SPECC1: variants seen among roughly 807,000 people sequenced by gnomAD.
The protein encoded by SPECC1 is sperm antigen with calponin homology and coiled-coil domains 1.
Under a neutral mutation model 104.1 loss-of-function variants are expected in SPECC1, and 62 were observed. The ratio of observed to expected loss-of-function variants is 0.60; its 90% confidence interval spans 0.49 to 0.74. The LOEUF is 0.74. SPECC1 is among the 30% of genes least tolerant of loss of function. SPECC1 has a pLI of 0.00. For missense variants in SPECC1, 1,306 were observed against 1,310.5 expected (o/e 1.00, Z 0.05); for synonymous variants, 513 against 501.6 (o/e 1.02, Z -0.30).
chr17:20,107,144 C>CAAAAAAAAAAA (rs531912350), intron 2 of SPECC1, among the ~76,000 whole-genome samples: 2 of 68,188 alleles, frequency 2.9e-5, no homozygotes, highest in African/African-American at 8.3e-5. Flanking sequence ...ACTCGTGTCT[C>CAAAAAAAAAAA]AAAAAAAAAA....
chr17:20,156,223 G>T, intron 3 of SPECC1: 1 of 1,412,932 alleles, frequency 7.1e-7, no homozygotes, highest in African/African-American at 1.5e-5. Context: ...GACGGCCCGA[G>T]GATCCGGAAC....
intron 4 of SPECC1, among the ~76,000 whole-genome samples, chr17:20,211,953 A>T (rs1485861534): frequency 6.6e-6 from 1 of 152,098 alleles, no homozygotes; most frequent in African/African-American, 2.4e-5. Context: ...GTTGCCCAGC[A>T]CTTCTCTCTC....
intron 1 of SPECC1, among the ~76,000 whole-genome samples, chr17:20,094,766 AT>A (rs2047565492): frequency 6.6e-6 from 1 of 151,798 alleles, no homozygotes; most frequent in Non-Finnish European, 1.5e-5. Context: ...TGCCTGGCTA[AT>A]TTTTGTATTT....
chr17:20,287,342 G>A lies in SPECC1; in HGVS notation c.2941-9619G>A, dbSNP rs561335472. On this transcript the variant is annotated intron_variant, in intron 12 of 14. Coordinates refer to ENST00000395527, the MANE Select transcript of SPECC1 (RefSeq NM_001243439.2). ...TGAGGCAGGAGAATGGCGTGAACCC[G>A]GGAAGCGGAGCTTGCAGTGAGCCGA... Among the ~76,000 whole-genome samples the A allele has an allele frequency of 7.4e-5, 11 of 148,494 alleles. 1 individual carries two copies. The highest frequency in any genetic ancestry group is 2.0e-4 in the Admixed American group (3 of 14,678).
intron 10 of SPECC1, 64 bp downstream of exon 10, chr17:20,253,650 T>A: frequency 6.8e-7 from 1 of 1,473,614 alleles, no homozygotes; most frequent in Non-Finnish European, 9.4e-7. Flanking sequence ...TTTCTTCATT[T>A]CTCTGCATGA....
rs544604838 is a variant in SPECC1, at chr17:20,314,023, G to A, written c.3165G>A (p.Val1055=). ...LYTDRPDWQS[V]MQYVAQIYKY... is the part of the protein sequence containing the mutation. ...CAGACCGGCCCGACTGGCAGAGTGT[G>A]ATGCAGTACGTGGCCCAAATCTACA... The change falls in exon 15 of 15, where the codon GTG becomes GTA. Residue 1055 remains valine, a synonymous_variant. Transcript: ENST00000395527. 4.3e-6 allele frequency: 7 copies of A among 1,614,168 alleles called. 1 individual carries two copies. The East Asian group carries it at 1.6e-4, about 36-fold the overall frequency.
intron 3 of SPECC1, among the ~76,000 whole-genome samples, chr17:20,113,757 A>C (rs892417883): frequency 6.6e-6 from 1 of 152,238 alleles, no homozygotes; most frequent in Non-Finnish European, 1.5e-5. Context: ...CATTCTAGGC[A>C]AGTTCCACTC....
intron 3 of SPECC1, among the ~76,000 whole-genome samples, chr17:20,174,063 C>T (rs1461739337): frequency 6.6e-6 from 1 of 151,974 alleles, no homozygotes; most frequent in Non-Finnish European, 1.5e-5. Context: ...TCCCAAGTAG[C>T]TGGGATTACA....
At chr17:20,207,553 C>T (rs1444357453) in intron 4 of SPECC1, among the ~76,000 whole-genome samples, 5 of 152,086 alleles carry the variant, frequency 3.3e-5, no homozygotes, top group Non-Finnish European at 5.9e-5. Context: ...ATTAAATGTG[C>T]ATATCAGTGA....
In SPECC1 at chr17:20,047,840, C is replaced by T. The variant is rs183542865; in HGVS notation, c.-22+38416C>T. Among the ~76,000 whole-genome samples the T allele has an allele frequency of 2.6e-3, 400 of 152,002 alleles. 5 individuals carry two copies. The highest frequency in any genetic ancestry group is 3.8e-3 in the Non-Finnish European group (256 of 67,944). On this transcript the variant is annotated intron_variant, in intron 1 of 14. Transcript: ENST00000395527. ...TCTCGATCTCCTGACCCTGTGGTCCCCCCGCCTCAGCCTCTAACATCTTTT... is the reference window on the plus strand; with the variant it reads ...TCTCGATCTCCTGACCCTGTGGTCCTCCCGCCTCAGCCTCTAACATCTTTT...
intron 1 of SPECC1, chr17:20,095,725 G>C (rs951170048): frequency 1.3e-5 from 2 of 152,494 alleles, no homozygotes; most frequent in African/African-American, 4.8e-5. Context: ...GTTGTCACTT[G>C]TGGGTGTTTT....
chr17:20,218,794 C>T (rs2037673908), intron 4 of SPECC1, among the ~76,000 whole-genome samples: 1 of 152,112 alleles, frequency 6.6e-6, no homozygotes, highest in Admixed American at 6.5e-5. Context: ...TCCCTGTTTC[C>T]ACCCCTGCCC....
rs149351205 is a variant in SPECC1, at chr17:20,166,713, C to T, written c.284-37620C>T. 6.8e-3 allele frequency among the ~76,000 whole-genome samples: 1,038 copies of T among 152,284 alleles called. 11 individuals are homozygous for T. The highest frequency in any genetic ancestry group is 0.024 in the African/African-American group (981 of 41,548). On this transcript the variant is annotated intron_variant, in intron 3 of 14. Coordinates refer to ENST00000395527, the MANE Select transcript of SPECC1 (RefSeq NM_001243439.2). ...CGGCAGACATTAATGAAGTAAGTTA[C>T]GACTGTGTCTGTTTCACTCTTCTCT...
chr17:20,195,790 T>C (rs1386554966), intron 3 of SPECC1, among the ~76,000 whole-genome samples: 2 of 152,154 alleles, frequency 1.3e-5, no homozygotes, highest in African/African-American at 4.8e-5. Context: ...AATAAATAAA[T>C]CTTTCCAATC....
intron 13 of SPECC1, among the ~76,000 whole-genome samples, chr17:20,297,437 A>G (rs1371364531): frequency 6.6e-6 from 1 of 152,262 alleles, no homozygotes; most frequent in Non-Finnish European, 1.5e-5. Flanking sequence ...CACATTAAAG[A>G]CTTCAAGAAG....
chr17:20,293,226 A>G (rs1332190843), intron 12 of SPECC1, among the ~76,000 whole-genome samples: 2 of 151,520 alleles, frequency 1.3e-5, no homozygotes, highest in African/African-American at 4.8e-5. Flanking sequence ...GCCTAAGATT[A>G]TTTGCTTCCA....
intron 7 of SPECC1, among the ~76,000 whole-genome samples, chr17:20,244,462 T>G (rs796142906): frequency 1.3e-5 from 2 of 152,358 alleles, no homozygotes; most frequent in African/African-American, 4.8e-5. Context: ...GCCTGATAAT[T>G]TCTTCCAATG....
chr17:20,019,285 C>A (rs2044277919), intron 1 of SPECC1, among the ~76,000 whole-genome samples: 6 of 151,244 alleles, frequency 4.0e-5, no homozygotes, highest in Admixed American at 4.0e-4. Context: ...CAGTCTTAGG[C>A]CTGCTGTGTT....
chr17:20,076,182 T>C (rs2046752605), intron 1 of SPECC1, among the ~76,000 whole-genome samples: 1 of 152,190 alleles, frequency 6.6e-6, no homozygotes, highest in Non-Finnish European at 1.5e-5. Context: ...TTAAAATTGT[T>C]ACATAGTTTC....
Sources: allele counts gnomAD v4.1 joint callset (sites outside exome capture counted in the v4.1 genomes callset), GRCh38; gene constraint gnomAD v4.1.1; transcripts MANE v1.5; gene names NCBI Gene and HGNC (gene_info 2026-07-23, HGNC 2026-07-21).